Variants in INSR observed in about 807,000 individuals in gnomAD.
INSR encodes the protein IR.
INSR carries 67 observed loss-of-function variants against 142.6 expected under a neutral mutation model. The ratio of observed to expected loss-of-function variants is 0.47; its 90% CI spans 0.39 to 0.58. INSR has a LOEUF of 0.58. Ranked by LOEUF, INSR falls within the 20% of genes least tolerant of loss-of-function variation. The pLI, the probability that INSR is intolerant of heterozygous loss-of-function variation, is 0.00. For missense variants in INSR, 1,248 were observed against 1,833.2 expected, an observed-to-expected ratio of 0.68 and a Z score of 5.83; for synonymous variants, 756 against 743.1, an observed-to-expected ratio of 1.02 and a Z score of -0.28.
intron 2 of INSR, among the ~76,000 whole-genome samples, chr19:7,187,086 A>T (rs987030382): frequency 2.0e-5 from 3 of 150,872 alleles, no homozygotes; most frequent in South Asian, 4.2e-4. Context: ...ATTCTTTTTT[A>T]AAAAATTTAT....
At chr19:7,286,716 G>GTT (rs113796410) in intron 1 of INSR, among the ~76,000 whole-genome samples, 2 of 148,484 alleles carry the variant, frequency 1.3e-5, no homozygotes, top group Non-Finnish European at 3.0e-5. Context: ...GGACTTCTGT[G>GTT]TTTTTTTTTT....
Position 7,143,022 on chromosome 19 carries a change from G to T in INSR, c.2336C>A (p.Ala779Asp). 1 of 1,614,190 alleles carries T rather than the reference G, an allele frequency of 6.2e-7. No homozygotes were observed. The highest frequency in any genetic ancestry group is 8.5e-7 in the Non-Finnish European group (1 of 1,180,036). ...NVTVAVPTVA[A>D]FPNTSSTSVP... is the part of the protein sequence containing the mutation. ...GCTGGTCGAGGAAGTGTTGGGGAAA[G>T]CTGCCACCGTGGGCACGGCCACCGT... Residue 779 changes from alanine to aspartate, a missense_variant, in exon 12 of 22, where the codon GCT becomes GAT. By Grantham distance (126) the Ala-to-Asp change is moderately radical. Transcript: ENST00000302850.
intron 2 of INSR, among the ~76,000 whole-genome samples, chr19:7,236,632 G>T (rs1451559096): frequency 6.6e-6 from 1 of 152,108 alleles, no homozygotes. Flanking sequence ...AAATTACTTA[G>T]TCTCACTCTT....
At chr19:7,222,961 T>C (rs986159836) in intron 2 of INSR, among the ~76,000 whole-genome samples, 4 of 152,106 alleles carry the variant, frequency 2.6e-5, no homozygotes, top group Admixed American at 2.0e-4. Context: ...GGAGGGCGGA[T>C]CACCTGAGGT....
rs1006491042 is a variant in INSR at position 7,152,842 on chromosome 19, C to T, written c.2115G>A (p.Ser705=). The change falls in exon 10 of 22, where the codon TCG becomes TCA. Residue 705 remains serine (S), a synonymous_variant. Transcript: ENST00000302850. ...TTGGACAGGAGCAGCATTCGCCGGC[C>T]GAATCCTCATACTCACTCTGGTTGT... ...QKHNQSEYED[S]AGECCSCPKT... 28 of 1,613,416 alleles carry T rather than the reference C, an allele frequency of 1.7e-5. No homozygotes were observed. Among genetic ancestry groups the T allele is most frequent in the Non-Finnish European group, 2.3e-5 (27 of 1,179,946 alleles).
At position 7,136,828 on chromosome 19, in the gene INSR, C is replaced by CATATATATATATATATATATAT. The variant is rs57665258; in HGVS notation, c.2683-4512_2683-4511insATATATATATATATATATATAT. On this transcript the variant is annotated intron_variant, in intron 13 of 21. Coordinates refer to ENST00000302850, the MANE Select transcript of INSR (RefSeq NM_000208.4). ...ATGTAAAACTTTATTTATTTATTTA[C>CATATATATATATATATATATAT]ATATATATATATATATATATTGAGA... is the stretch of plus-strand genomic sequence containing the variant. 2.2e-3 allele frequency among the ~76,000 whole-genome samples: 314 copies of CATATATATATATATATATATAT among 139,762 alleles called. 11 individuals carry two copies. Among genetic ancestry groups the CATATATATATATATATATATAT allele is most frequent in the African/African-American group, 8.4e-3 (289 of 34,546 alleles). 91.7% of individuals were successfully genotyped at this position (139,762 alleles called of 152,430 possible). A position where few individuals can be genotyped will look rare whatever the true frequency, so the allele number is the denominator to read the frequency against.
intron 2 of INSR, among the ~76,000 whole-genome samples, chr19:7,224,296 T>G (rs934310360): frequency 6.7e-6 from 1 of 148,504 alleles, no homozygotes; most frequent in African/African-American, 2.5e-5. Flanking sequence ...TCAAACCAGC[T>G]CATGCAAATC....
rs146128832 is a variant in INSR at position 7,129,605 on chromosome 19, G to A, written c.2843-651C>T. 1.5e-3 allele frequency among the ~76,000 whole-genome samples: 234 copies of A among 152,320 alleles called. 5 individuals carry two copies. In the East Asian group the frequency reaches 0.039, roughly 25 times the overall value. ...CTCCGAAAGTACTGGGATGACAGGC[G>A]TGAGCCAACGTGCCCGGCCAAATTC... On this transcript the variant is annotated intron_variant, in intron 14 of 21. Coordinates refer to ENST00000302850, the MANE Select transcript of INSR (RefSeq NM_000208.4).
intron 1 of INSR, among the ~76,000 whole-genome samples, chr19:7,282,488 A>C (rs1968229834): frequency 6.6e-6 from 1 of 151,160 alleles, no homozygotes; most frequent in African/African-American, 2.4e-5. Context: ...TTTGAGACCC[A>C]CCTGGGCAAC....
At chr19:7,266,536 C>T (rs989928185) in intron 2 of INSR, among the ~76,000 whole-genome samples, 1 of 152,126 alleles carries the variant, frequency 6.6e-6, no homozygotes, top group Non-Finnish European at 1.5e-5. Flanking sequence ...CAGGCGTGCA[C>T]CGCCACGCCC....
intron 1 of INSR, chr19:7,268,591 C>A (rs975215650): frequency 4.1e-6 from 4 of 985,274 alleles, no homozygotes; most frequent in Non-Finnish European, 4.8e-6. Context: ...CAGGCCTGCC[C>A]ACAACTCTTG....
At chr19:7,199,655 C>T (rs1305315800) in intron 2 of INSR, among the ~76,000 whole-genome samples, 1 of 144,102 alleles carries the variant, frequency 6.9e-6, no homozygotes, top group African/African-American at 2.6e-5. Context: ...CACTTTGGCT[C>T]CCCAAAGCGC....
intron 2 of INSR, among the ~76,000 whole-genome samples, chr19:7,255,245 A>C (rs1036764890): frequency 6.6e-6 from 1 of 152,056 alleles, no homozygotes; most frequent in African/African-American, 2.4e-5. Flanking sequence ...TTCCTCCCTG[A>C]CTCAGCAAGG....
At chr19:7,283,859 C>A (rs146820890) in intron 1 of INSR, among the ~76,000 whole-genome samples, 4,775 of 152,148 alleles carry the variant, frequency 0.031, 106 homozygotes, top group Middle Eastern at 0.054. Context: ...AGGGTAAGTA[C>A]CTGCGAACTT....
chr19:7,273,282 A>G (rs1967975182), intron 1 of INSR, among the ~76,000 whole-genome samples: 1 of 152,150 alleles, frequency 6.6e-6, no homozygotes, highest in Admixed American at 6.6e-5. Context: ...TGTCCCTATT[A>G]GTGAAAGACA....
At chr19:7,233,678 T>TTTCTTTTTC (rs1438811448) in intron 2 of INSR, among the ~76,000 whole-genome samples, 4 of 135,340 alleles carry the variant, frequency 3.0e-5, no homozygotes, top group African/African-American at 1.1e-4. Flanking sequence ...CTTTTTTTTT[T>TTTCTTTTTC]TTTTTTTTTT....
chr19:7,226,270 C>T (rs1036605778), intron 2 of INSR, among the ~76,000 whole-genome samples: 3 of 151,868 alleles, frequency 2.0e-5, no homozygotes, highest in African/African-American at 7.3e-5. Context: ...ATTAGCTGGG[C>T]ATGGTGGCGT....
rs1281614073 is a variant in INSR at position 7,170,533 on chromosome 19, T to C, written c.1483+4A>G. On this transcript the variant is annotated splice_donor_region_variant and intron_variant, in intron 6 of 21. Transcript: ENST00000302850. ...GCCAAAAAGGTTGGGGACCAGTGAC[T>C]TACAGGATGCCTGGTCCCCATTGGT... The C allele has an allele frequency of 6.2e-7, 1 of 1,610,406 alleles. No individual in the cohort carries two copies. The highest frequency in any genetic ancestry group is 1.3e-5 in the African/African-American group (1 of 74,820).
At chr19:7,148,727 C>T (rs1973245198) in intron 11 of INSR, among the ~76,000 whole-genome samples, 1 of 148,634 alleles carries the variant, frequency 6.7e-6, no homozygotes, top group African/African-American at 2.5e-5. Context: ...ATTGCCCCGC[C>T]TGGGCCTCTC....
Sources: gnomAD v4.1 joint callset for allele counts (sites outside exome capture counted in the v4.1 genomes callset) on GRCh38, gnomAD v4.1.1 for gene constraint, MANE v1.5 for transcripts, NCBI Gene and HGNC (gene_info 2026-07-23, HGNC 2026-07-21) for gene names.